Variants in TMEM163 observed in about 807,000 individuals in gnomAD.
TMEM163 encodes transmembrane protein 163.
In TMEM163, 17 loss-of-function variants were observed where a neutral mutation model predicts 29.3. The observed-to-expected ratio is 0.58, with a 90% CI of 0.40 to 0.87. The LOEUF is 0.87. TMEM163 is among the 40% of genes least tolerant of loss of function. The pLI is 0.00. For missense variants in TMEM163, 303 were observed against 381.5 expected (o/e 0.79, Z 1.71); for synonymous variants, 157 against 160.6 (o/e 0.98, Z 0.17).
At chr2:134,624,571 A>G (rs1359905827) in intron 2 of TMEM163, among the ~76,000 whole-genome samples, 1 of 152,184 alleles carries the variant, frequency 6.6e-6, no homozygotes, top group Non-Finnish European at 1.5e-5. Flanking sequence ...TACCTATGGA[A>G]CAAACCTGCA....
At chr2:134,676,062 C>T (rs1684106695) in intron 2 of TMEM163, among the ~76,000 whole-genome samples, 1 of 152,120 alleles carries the variant, frequency 6.6e-6, no homozygotes, top group Non-Finnish European at 1.5e-5. Context: ...TGACCTGCGA[C>T]ATAAGGTACA....
intron 2 of TMEM163, among the ~76,000 whole-genome samples, chr2:134,688,141 C>T (rs55760943): frequency 0.035 from 5,299 of 152,178 alleles, 296 homozygotes; most frequent in African/African-American, 0.12. Flanking sequence ...ATCTCCAATG[C>T]GAAGGAACCT....
At chr2:134,630,156 C>T (rs1682934739) in intron 2 of TMEM163, among the ~76,000 whole-genome samples, 1 of 152,092 alleles carries the variant, frequency 6.6e-6, no homozygotes, top group South Asian at 2.1e-4. Context: ...TGATCTTAGG[C>T]AAGCACCTAA....
At chr2:134,634,099 TAGA>T (rs775700274) in intron 2 of TMEM163, among the ~76,000 whole-genome samples, 31 of 149,210 alleles carry the variant, frequency 2.1e-4, no homozygotes, top group Non-Finnish European at 3.7e-4. Context: ...TTTCTCTAGG[TAGA>T]AGAAGTAGAA....
At chr2:134,687,687 A>G (rs1051957677) in intron 2 of TMEM163, among the ~76,000 whole-genome samples, 1 of 152,190 alleles carries the variant, frequency 6.6e-6, no homozygotes, top group African/African-American at 2.4e-5. Flanking sequence ...ATTATAAATC[A>G]CATACTGTGA....
intron 4 of TMEM163, among the ~76,000 whole-genome samples, chr2:134,532,294 A>G (rs1292748478): frequency 6.6e-6 from 1 of 152,246 alleles, no homozygotes; most frequent in Non-Finnish European, 1.5e-5. Flanking sequence ...AAATCTGCAC[A>G]CAAGGCCTCC....
At chr2:134,571,701 T>C (rs1205446137) in intron 2 of TMEM163, among the ~76,000 whole-genome samples, 1 of 152,184 alleles carries the variant, frequency 6.6e-6, no homozygotes, top group Non-Finnish European at 1.5e-5. Context: ...AAACTAGGCA[T>C]AAGCTTCCCA....
At chr2:134,632,558 A>G (rs2104833154) in intron 2 of TMEM163, among the ~76,000 whole-genome samples, 1 of 152,316 alleles carries the variant, frequency 6.6e-6, no homozygotes, top group African/African-American at 2.4e-5. Context: ...TCCCCGATCA[A>G]AGTACAGCAG....
chr2:134,681,148 A>G (rs1037672104), intron 2 of TMEM163, among the ~76,000 whole-genome samples: 1 of 152,180 alleles, frequency 6.6e-6, no homozygotes, highest in Non-Finnish European at 1.5e-5. Context: ...CTGCCGGCTC[A>G]TAGAAGCCTC....
intron 2 of TMEM163, among the ~76,000 whole-genome samples, chr2:134,683,093 G>C (rs1011400199): frequency 5.3e-5 from 8 of 152,208 alleles, no homozygotes; most frequent in Non-Finnish European, 8.8e-5. Flanking sequence ...GTTACCTAAA[G>C]GGAGGAGAAG....
intron 6 of TMEM163, among the ~76,000 whole-genome samples, chr2:134,465,850 G>C (rs1473999085): frequency 1.3e-5 from 2 of 152,226 alleles, no homozygotes; most frequent in Non-Finnish European, 2.9e-5. Context: ...TGATTAAGAG[G>C]CTGGGGAGCC....
intron 2 of TMEM163, among the ~76,000 whole-genome samples, chr2:134,589,058 A>G (rs1681882715): frequency 6.6e-6 from 1 of 152,230 alleles, no homozygotes; most frequent in Non-Finnish European, 1.5e-5. Context: ...AAGGCAGAGT[A>G]TAACTATGAG....
At chr2:134,695,675 T>G (rs1256514970) in intron 2 of TMEM163, among the ~76,000 whole-genome samples, 3 of 152,218 alleles carry the variant, frequency 2.0e-5, no homozygotes, top group East Asian at 3.8e-4. Flanking sequence ...TTAAATTTTT[T>G]GAAGTTTCTA....
chr2:134,552,709 T>C (rs1680960414), intron 2 of TMEM163, among the ~76,000 whole-genome samples: 1 of 147,472 alleles, frequency 6.8e-6, no homozygotes, highest in Non-Finnish European at 1.5e-5. Context: ...TCACTCAGGC[T>C]GGAGTGCAAT....
intron 4 of TMEM163, among the ~76,000 whole-genome samples, chr2:134,531,628 A>G (rs890339827): frequency 6.6e-6 from 1 of 152,220 alleles, no homozygotes; most frequent in African/African-American, 2.4e-5. Context: ...TGACTGGTTT[A>G]TTATGAAGGA....
chr2:134,551,923 T>G, intron 3 of TMEM163, 125 bp downstream of exon 3: 1 of 719,944 alleles, frequency 1.4e-6, no homozygotes, highest in Admixed American at 2.9e-5. Flanking sequence ...TGGGTTTCCA[T>G]AAAATATGTT....
At chr2:134,715,712 A>G (rs1685024779) in intron 1 of TMEM163, among the ~76,000 whole-genome samples, 1 of 152,216 alleles carries the variant, frequency 6.6e-6, no homozygotes, top group African/African-American at 2.4e-5. Context: ...CACAAGTTAC[A>G]AAGATGTAGT....
At chr2:134,664,917 T>C (rs1574322603) in intron 2 of TMEM163, among the ~76,000 whole-genome samples, 2 of 152,268 alleles carry the variant, frequency 1.3e-5, no homozygotes, top group African/African-American at 4.8e-5. Context: ...GGTCTTGCTA[T>C]GTCACCCAGG....
chr2:134,487,626 C>A (rs1679342445), intron 5 of TMEM163, among the ~76,000 whole-genome samples: 1 of 152,062 alleles, frequency 6.6e-6, no homozygotes, highest in South Asian at 2.1e-4. Flanking sequence ...AGATGGTGAC[C>A]AAACATTAAG....
Sources: allele counts gnomAD v4.1 joint callset (sites outside exome capture counted in the v4.1 genomes callset), GRCh38; gene constraint gnomAD v4.1.1; transcripts MANE v1.5; gene names NCBI Gene and HGNC (gene_info 2026-07-23, HGNC 2026-07-21).